TARS1: variants seen among roughly 807,000 people sequenced by gnomAD.
TARS1 encodes the protein threonyl-tRNA synthetase 1, also known as threonine--tRNA ligase 1, cytoplasmic.
A neutral mutation model predicts 97.7 loss-of-function variants in TARS1; 57 were observed. The observed-to-expected ratio is 0.58, with a 90% CI of 0.47 to 0.73. The LOEUF (loss-of-function observed/expected upper bound fraction) is 0.73, where lower values mean the gene tolerates loss of function less well. Among genes scored for constraint, TARS1 ranks in the 30% least tolerant of loss-of-function variants. The pLI is 0.00. For missense variants in TARS1, 806 were observed against 888.3 expected (o/e 0.91, Z 1.18); for synonymous variants, 312 against 293.7 (o/e 1.06, Z -0.64).
At chr5:33,444,699 C>G (rs1005878633) in intron 1 of TARS1, among the ~76,000 whole-genome samples, 4 of 152,224 alleles carry the variant, frequency 2.6e-5, no homozygotes, top group Non-Finnish European at 5.9e-5. Flanking sequence ...TATGTGTACA[C>G]ATAGGACACA....
chr5:33,455,915 T>G, intron 6 of TARS1, 87 bp from the exon 7 acceptor site: 1 of 1,176,754 alleles, frequency 8.5e-7, no homozygotes, highest in Non-Finnish European at 1.2e-6. Context: ...AACATTTATA[T>G]TCATACAGTG....
intron 6 of TARS1, 22 bp downstream of exon 6, chr5:33,455,726 G>A (rs1358073315): frequency 6.8e-7 from 1 of 1,477,382 alleles, no homozygotes; most frequent in Non-Finnish European, 9.4e-7. Flanking sequence ...CATAGTGCGT[G>A]GCCCCCACTG....
At chr5:33,457,426 G>A in intron 9 of TARS1, 23 bp downstream of exon 9, 1 of 1,596,324 alleles carries the variant, frequency 6.3e-7, no homozygotes, top group Non-Finnish European at 8.5e-7. Flanking sequence ...ACAATGATGT[G>A]TCTTGACTGA....
At chr5:33,443,475 CTTTTTTT>C (rs199902596) in intron 1 of TARS1, among the ~76,000 whole-genome samples, 8 of 130,330 alleles carry the variant, frequency 6.1e-5, no homozygotes, top group Admixed American at 3.9e-4. Context: ...ATTTTTCTTT[CTTTTTTT>C]TTTTTTTTTT....
At chr5:33,454,080 T>G (rs1741893326) in intron 4 of TARS1, among the ~76,000 whole-genome samples, 1 of 152,188 alleles carries the variant, frequency 6.6e-6, no homozygotes, top group South Asian at 2.1e-4. Context: ...GAACCTTACT[T>G]CAAAGCACTG....
At position 33,441,071 on chromosome 5, in the gene TARS1, G is replaced by C. The variant is rs374594523; in HGVS notation, c.-16G>C. 2 of 1,614,038 alleles carry C rather than the reference G, an allele frequency of 1.2e-6. No homozygotes were observed. Among genetic ancestry groups the C allele is most frequent in the African/African-American group, 2.7e-5 (2 of 74,932 alleles). ...GCCGTCGCTTTCGGGTTCTCTCATC[G>C]CTTCGTCGTTCGCCAATGTTTGAGG... On this transcript the variant is annotated 5_prime_UTR_variant, in exon 1 of 19. Coordinates refer to ENST00000265112, the MANE Select transcript of TARS1 (RefSeq NM_152295.5).
intron 17 of TARS1, among the ~76,000 whole-genome samples, chr5:33,465,412 A>G (rs1742487572): frequency 3.3e-5 from 5 of 152,190 alleles, no homozygotes; most frequent in Admixed American, 3.3e-4. Flanking sequence ...GATACCTAAT[A>G]ACTATAGAGC....
chr5:33,455,611 T>C lies in TARS1; in HGVS notation c.600T>C (p.Ser200=). The C allele has an allele frequency of 6.2e-7, 1 of 1,611,996 alleles. No homozygotes were observed. Among genetic ancestry groups the C allele is most frequent in the Non-Finnish European group, 8.5e-7 (1 of 1,178,600 alleles). The change falls in exon 6 of 19, where the codon TCT becomes TCC. Residue 200 remains serine (S), a synonymous_variant. Transcript: ENST00000265112. ...GGGGTGTGTCTAGCAATGATTTCTC[T>C]TCTCTGGAGGCTTTGTGTAAGAAAA... ...EEGGVSSNDF[S]SLEALCKKII... is the part of the protein sequence containing the mutation.
chr5:33,457,907 C>T (rs1742107609), intron 9 of TARS1, among the ~76,000 whole-genome samples: 2 of 152,210 alleles, frequency 1.3e-5, no homozygotes, highest in African/African-American at 4.8e-5. Context: ...AAAATAGGCA[C>T]TCTGTGCCAG....
At chr5:33,457,010 G>T (rs1032618496) in intron 8 of TARS1, among the ~76,000 whole-genome samples, 20 of 152,034 alleles carry the variant, frequency 1.3e-4, no homozygotes, top group Admixed American at 1.0e-3. Flanking sequence ...TGTTTCCCAG[G>T]CTGGTCTCGA....
Position 33,445,306 on chromosome 5 carries a change from C to G in TARS1, c.58-18C>G. On this transcript the variant is annotated intron_variant, in intron 1 of 18. Coordinates refer to ENST00000265112, the MANE Select transcript of TARS1 (RefSeq NM_152295.5). ...TGTCACATTAGATTAAAATATAAAA[C>G]GTTTTTTGCTTATTTAGATTGGTGC... The G allele has an allele frequency of 6.3e-7, 1 of 1,598,076 alleles. No homozygotes were observed. The highest frequency in any genetic ancestry group is 1.3e-5 in the African/African-American group (1 of 74,184).
intron 3 of TARS1, 145 bp from the exon 4 acceptor site, chr5:33,453,144 T>C (rs1272209454): frequency 9.0e-7 from 1 of 1,111,834 alleles, no homozygotes; most frequent in African/African-American, 1.6e-5. Flanking sequence ...ATTTGTTGTT[T>C]TTATCATTAT....
At position 33,453,298 on chromosome 5, in the gene TARS1, G is replaced by A; in HGVS notation, c.339G>A (p.Leu113=). ...YQIACGISQG[L]ADNTVIAKVN... ...TTTTTTTTTTTTTAAGTCAAGGCCTGGCCGACAACACCGTTATTGCTAAAG... is the reference window on the plus strand; with the variant it reads ...TTTTTTTTTTTTTAAGTCAAGGCCTAGCCGACAACACCGTTATTGCTAAAG... Residue 113 remains leucine, a synonymous_variant, in exon 4 of 19, where the codon CTG becomes CTA. Coordinates refer to ENST00000265112, the MANE Select transcript of TARS1 (RefSeq NM_152295.5). 2 of 1,577,998 alleles carry A rather than the reference G, an allele frequency of 1.3e-6. No individual in the cohort carries two copies. Among genetic ancestry groups the A allele is most frequent in the Non-Finnish European group, 1.7e-6 (2 of 1,167,200 alleles).
At chr5:33,441,164 C>A in intron 1 of TARS1, 21 bp downstream of exon 1, 1 of 1,614,066 alleles carries the variant, frequency 6.2e-7, no homozygotes, top group African/African-American at 1.3e-5. Context: ...TTGGTGGGAC[C>A]CAGAGACCAG....
chr5:33,443,857 C>A (rs6887261), intron 1 of TARS1, among the ~76,000 whole-genome samples: 77,577 of 151,974 alleles, frequency 0.51, 21,074 homozygotes, highest in East Asian at 0.75. Context: ...ATAACAAAGG[C>A]TCTATTGAAT....
Position 33,463,811 on chromosome 5 carries a change from G to C in TARS1, c.1894G>C (p.Glu632Gln), listed in dbSNP as rs1222946564. The C allele has an allele frequency of 6.2e-7, 1 of 1,611,864 alleles. No individual in the cohort carries two copies. The highest frequency in any genetic ancestry group is 8.5e-7 in the Non-Finnish European group (1 of 1,178,848). The change falls in exon 17 of 19, where the codon GAA (glutamate) becomes CAA (glutamine). Residue 632 changes from glutamate to glutamine, a missense_variant. Physicochemically the swap from Glu to Gln is conservative, Grantham distance 29. Coordinates refer to ENST00000265112, the MANE Select transcript of TARS1 (RefSeq NM_152295.5). ...MVVPVGPTCDEYAQKVRQQFH... is the reference protein window; with the variant it reads ...MVVPVGPTCDQYAQKVRQQFH... ...AGTTCCAGTGGGACCAACCTGTGAT[G>C]AATATGCCCAAAAGGTAAGCCTTAG... is the stretch of plus-strand genomic sequence containing the variant.
intron 8 of TARS1, 138 bp downstream of exon 8, chr5:33,456,365 G>T (rs1742019632): frequency 1.4e-6 from 1 of 702,504 alleles, no homozygotes; most frequent in Non-Finnish European, 2.3e-6. Context: ...TTAACTGGGA[G>T]CTGTATGCCA....
rs571588620 is a variant in TARS1, at chr5:33,452,273, T to C, written c.330-1016T>C. ...CTTCGTTGAGATGTCCAGGCTGTTA[T>C]AGACTATTATTTCTCTAGCTGTGCA... On this transcript the variant is annotated intron_variant, in intron 3 of 18. Coordinates refer to ENST00000265112, the MANE Select transcript of TARS1 (RefSeq NM_152295.5). The C allele has an allele frequency of 1.2e-5, 15 of 1,228,792 alleles. No homozygotes were observed. In the South Asian group the frequency reaches 1.3e-4, roughly 11 times the overall value. The allele number at this position is 1,228,792 out of a possible 1,614,324, so 76.1% of individuals were successfully genotyped here.
In TARS1 at chr5:33,453,316, TG is replaced by T; in HGVS notation, c.358del (p.Ala120LeufsTer3). On this transcript the variant is annotated frameshift_variant, in exon 4 of 19. Transcript: ENST00000265112. LOFTEE classifies it high-confidence loss of function. The part of the protein sequence containing the change: ...SQGLADNTVI[A>X]KVNNVVWDLD... ...AAGGCCTGGCCGACAACACCGTTAT[TG>T]CTAAAGTAAATAATGTTGTGTGGGA... 6.2e-7 allele frequency: 1 copy of T among 1,610,006 alleles called. No individual in the cohort carries two copies. Among genetic ancestry groups the T allele is most frequent in the Non-Finnish European group, 8.5e-7 (1 of 1,178,630 alleles).
Sources: allele counts gnomAD v4.1 joint callset (sites outside exome capture counted in the v4.1 genomes callset), GRCh38; gene constraint gnomAD v4.1.1; transcripts MANE v1.5; gene names NCBI Gene and HGNC (gene_info 2026-07-23, HGNC 2026-07-21).